Variants in CNTNAP2 observed in about 807,000 individuals in gnomAD.
CNTNAP2 encodes the protein contactin-associated protein-like 2.
In CNTNAP2, 98 loss-of-function variants were observed where a neutral mutation model predicts 155.2. That is an observed-to-expected ratio of 0.63 (90% CI 0.54 to 0.75). The LOEUF (loss-of-function observed/expected upper bound fraction) is 0.75. Among genes scored for constraint, CNTNAP2 ranks in the 30% least tolerant of loss-of-function variants. The pLI, the probability that CNTNAP2 is intolerant of heterozygous loss-of-function variation, is 0.00. For missense variants in CNTNAP2, 1,727 were observed against 1,688.1 expected (o/e 1.02, Z -0.40); for synonymous variants, 651 against 631.2 (o/e 1.03, Z -0.47).
chr7:147,613,360 A>G (rs555977112), intron 12 of CNTNAP2, among the ~76,000 whole-genome samples: 11 of 152,282 alleles, frequency 7.2e-5, no homozygotes, highest in African/African-American at 2.6e-4. Context: ...CTACTTGTAG[A>G]AGTTCTTTAT....
At chr7:146,882,160 A>G (rs533101199) in intron 3 of CNTNAP2, among the ~76,000 whole-genome samples, 7 of 152,216 alleles carry the variant, frequency 4.6e-5, no homozygotes, top group African/African-American at 1.7e-4. Flanking sequence ...TTATGGCTAT[A>G]TAGTATTTTA....
intron 1 of CNTNAP2, among the ~76,000 whole-genome samples, chr7:146,674,117 T>A (rs1800355462): frequency 6.6e-6 from 1 of 152,188 alleles, no homozygotes; most frequent in South Asian, 2.1e-4. Context: ...AATGAATGCA[T>A]GAAGTAACTA....
intron 1 of CNTNAP2, among the ~76,000 whole-genome samples, chr7:146,176,128 A>G (rs1216336798): frequency 6.6e-6 from 1 of 152,226 alleles, no homozygotes; most frequent in Non-Finnish European, 1.5e-5. Flanking sequence ...AAACAAAAGT[A>G]CTAGTAAAGA....
rs1357712321 is a variant in CNTNAP2 at position 146,564,682 on chromosome 7, A to T, written c.98-209589A>T. 2.0e-5 allele frequency among the ~76,000 whole-genome samples: 3 copies of T among 151,210 alleles called. No individual in the cohort carries two copies. The East Asian group carries it at 5.8e-4, about 29-fold the overall frequency. On this transcript the variant is annotated intron_variant, in intron 1 of 23. Coordinates refer to ENST00000361727, the MANE Select transcript of CNTNAP2 (RefSeq NM_014141.6). ...AGCTTACTTCAATTTTATTTGAGGA[A>T]CTCATTTTTTGGCTGTCCACAACAT... is the stretch of plus-strand genomic sequence containing the variant.
At chr7:147,209,458 A>G (rs1007144196) in intron 8 of CNTNAP2, among the ~76,000 whole-genome samples, 2 of 151,970 alleles carry the variant, frequency 1.3e-5, no homozygotes, top group South Asian at 4.1e-4. Context: ...CTGAAACTTT[A>G]TCGAATTAGT....
chr7:147,701,581 A>G (rs1327564559), intron 13 of CNTNAP2, among the ~76,000 whole-genome samples: 1 of 152,194 alleles, frequency 6.6e-6, no homozygotes, highest in Non-Finnish European at 1.5e-5. Flanking sequence ...GGCTTTTTTC[A>G]TAATTTCCAT....
rs1279484096 is a variant in CNTNAP2, at chr7:148,415,665, G to A, written c.*49G>A. 1.2e-6 allele frequency: 2 copies of A among 1,607,916 alleles called. No homozygotes were observed. The highest frequency in any genetic ancestry group is 2.2e-5 in the East Asian group (1 of 44,688). ...TAGGGAGGAGGGAATTACTAGGGAG[G>A]AGAGAAAGGGACAAAAGCACCCTGC... On this transcript the variant is annotated 3_prime_UTR_variant, in exon 24 of 24. Transcript: ENST00000361727.
At chr7:147,265,700 T>G (rs966505811) in intron 8 of CNTNAP2, among the ~76,000 whole-genome samples, 9 of 152,148 alleles carry the variant, frequency 5.9e-5, no homozygotes, top group African/African-American at 2.2e-4. Flanking sequence ...CGTGCCGCCC[T>G]GACTGGGTGA....
intron 18 of CNTNAP2, among the ~76,000 whole-genome samples, chr7:148,206,942 A>T (rs1795459552): frequency 6.6e-6 from 1 of 152,142 alleles, no homozygotes; most frequent in African/African-American, 2.4e-5. Flanking sequence ...CCCCACCCAC[A>T]GGTAGATCCC....
At chr7:146,571,963 C>A (rs1798447901) in intron 1 of CNTNAP2, among the ~76,000 whole-genome samples, 1 of 152,182 alleles carries the variant, frequency 6.6e-6, no homozygotes, top group Admixed American at 6.5e-5. Context: ...AGATGATCCC[C>A]CCACCTCGGC....
intron 11 of CNTNAP2, among the ~76,000 whole-genome samples, chr7:147,513,224 C>A (rs1308670654): frequency 3.3e-5 from 5 of 151,700 alleles, no homozygotes; most frequent in Non-Finnish European, 4.4e-5. Context: ...AATAAAAGAC[C>A]AGATGTTTAG....
Position 146,789,931 on chromosome 7 carries a change from A to G in CNTNAP2, c.208+15550A>G, listed in dbSNP as rs191338468. 2.0e-5 allele frequency among the ~76,000 whole-genome samples: 3 copies of G among 151,212 alleles called. No homozygotes were observed. The Admixed American group carries it at 2.0e-4, about 10-fold the overall frequency. ...TAAGTGGATCTACATTTAGTGTGAG[A>G]TGAGAACAATCTGGCATCAATAATA... On this transcript the variant is annotated intron_variant, in intron 2 of 23. Transcript: ENST00000361727.
intron 13 of CNTNAP2, among the ~76,000 whole-genome samples, chr7:147,675,488 A>T (rs947999805): frequency 6.6e-6 from 1 of 152,080 alleles, no homozygotes; most frequent in East Asian, 1.9e-4. Flanking sequence ...CCTGAAAATC[A>T]TGAGTGCTGA....
Position 148,366,849 on chromosome 7 carries a change from C to A in CNTNAP2, c.3476-16800C>A, listed in dbSNP as rs10277249. On this transcript the variant is annotated intron_variant, in intron 21 of 23. Transcript: ENST00000361727. ...CCAAAAAAAAAAGGCAACTTCAGGC[C>A]CTTCTTCAAAAATGCAAATCCAGGG... 7.1e-3 allele frequency among the ~76,000 whole-genome samples: 1,077 copies of A among 152,232 alleles called. 19 individuals carry two copies. The highest frequency in any genetic ancestry group is 0.025 in the African/African-American group (1,029 of 41,546).
chr7:146,133,644 T>G (rs1374288933), intron 1 of CNTNAP2, among the ~76,000 whole-genome samples: 2 of 152,094 alleles, frequency 1.3e-5, no homozygotes, highest in African/African-American at 4.8e-5. Flanking sequence ...CTAGCCAGTT[T>G]TCCCAGCACC....
intron 1 of CNTNAP2, among the ~76,000 whole-genome samples, chr7:146,282,190 T>C (rs1002600472): frequency 1.3e-5 from 2 of 152,204 alleles, no homozygotes; most frequent in African/African-American, 4.8e-5. Context: ...CTCATGACAA[T>C]GCTACACCTA....
chr7:147,477,654 C>T (rs1460066973), intron 10 of CNTNAP2, among the ~76,000 whole-genome samples: 1 of 152,158 alleles, frequency 6.6e-6, no homozygotes, highest in African/African-American at 2.4e-5. Flanking sequence ...TAAAACCATT[C>T]AATTAGGGGT....
chr7:147,644,479 G>C (rs1265803797), intron 13 of CNTNAP2, among the ~76,000 whole-genome samples: 2 of 152,068 alleles, frequency 1.3e-5, no homozygotes, highest in East Asian at 3.9e-4. Flanking sequence ...AAAATTAGCT[G>C]GGTGTGGTGG....
At chr7:146,209,751 T>C (rs1799005177) in intron 1 of CNTNAP2, among the ~76,000 whole-genome samples, 1 of 152,172 alleles carries the variant, frequency 6.6e-6, no homozygotes, top group Non-Finnish European at 1.5e-5. Context: ...ATCAATCAAT[T>C]AATTCAAACT....
Sources: allele counts gnomAD v4.1 joint callset (sites outside exome capture counted in the v4.1 genomes callset), GRCh38; gene constraint gnomAD v4.1.1; transcripts MANE v1.5; gene names NCBI Gene and HGNC (gene_info 2026-07-23, HGNC 2026-07-21).